Variants in GPAT3 observed in about 807,000 individuals in gnomAD.
GPAT3 encodes glycerol-3-phosphate acyltransferase 3, also known as 1-AGP acyltransferase 9.
A neutral mutation model predicts 58.8 loss-of-function variants in GPAT3; 53 were observed. That is an observed-to-expected ratio of 0.90 (90% CI 0.72 to 1.13). GPAT3 has a LOEUF of 1.13. GPAT3 is among the 50% of genes most tolerant of loss of function. GPAT3 has a pLI of 0.00. For missense variants in GPAT3, 511 were observed against 527.6 expected, an observed-to-expected ratio of 0.97 and a Z score of 0.31; for synonymous variants, 197 against 187.4, an observed-to-expected ratio of 1.05 and a Z score of -0.42.
At chr4:83,555,220 A>G (rs1357396709) in intron 2 of GPAT3, among the ~76,000 whole-genome samples, 2 of 152,154 alleles carry the variant, frequency 1.3e-5, no homozygotes, top group Non-Finnish European at 2.9e-5. Flanking sequence ...CTCTGCAGTG[A>G]TAAGTGATAG....
At chr4:83,586,046 T>C (rs1649331386) in intron 3 of GPAT3, among the ~76,000 whole-genome samples, 1 of 152,208 alleles carries the variant, frequency 6.6e-6, no homozygotes, top group Non-Finnish European at 1.5e-5. Context: ...AGCCTTTCTA[T>C]GCTCCAATTT....
At chr4:83,554,855 G>GT (rs1266932321) in intron 2 of GPAT3, among the ~76,000 whole-genome samples, 2 of 147,806 alleles carry the variant, frequency 1.4e-5, no homozygotes, top group Non-Finnish European at 3.0e-5. Flanking sequence ...CTAGGCTGGA[G>GT]TTCAGTGGCG....
intron 2 of GPAT3, among the ~76,000 whole-genome samples, chr4:83,576,677 C>A (rs1368662971): frequency 3.3e-5 from 5 of 152,158 alleles, no homozygotes; most frequent in Admixed American, 2.0e-4. Flanking sequence ...CTCCTGACCT[C>A]AAGTGATCCG....
intron 3 of GPAT3, among the ~76,000 whole-genome samples, chr4:83,583,156 C>T (rs1465548288): frequency 2.6e-5 from 4 of 151,930 alleles, no homozygotes; most frequent in East Asian, 1.9e-4. Context: ...ATTAACTGGG[C>T]GTGGTGGAGC....
rs553726439 is a variant in GPAT3, at chr4:83,588,382, A to C, written c.644+83A>C. 3 of 1,353,358 alleles carry C rather than the reference A, an allele frequency of 2.2e-6. No homozygotes were observed. The East Asian group carries it at 6.9e-5, about 31-fold the overall frequency. The allele number at this position is 1,353,358 out of a possible 1,614,324, so 83.8% of individuals were successfully genotyped here. On this transcript the variant is annotated intron_variant, in intron 5 of 11. Coordinates refer to ENST00000264409, the MANE Select transcript of GPAT3 (RefSeq NM_032717.5). ...CAAGGAAGCATTGGAAGTGGTTGGG[A>C]AGAAGTGGGTGGAGTCAGAGTGCTT...
intron 6 of GPAT3, among the ~76,000 whole-genome samples, chr4:83,591,085 G>A (rs930657171): frequency 6.6e-6 from 1 of 152,092 alleles, no homozygotes. Flanking sequence ...AAATTTTCAT[G>A]GTGGTGGGTT....
In GPAT3 at chr4:83,557,897, T is replaced by C. The variant is rs1175187440; in HGVS notation, c.208+13295T>C. 2.0e-5 allele frequency among the ~76,000 whole-genome samples: 3 copies of C among 152,124 alleles called. No homozygotes were observed. The East Asian group carries it at 5.8e-4, about 29-fold the overall frequency. On this transcript the variant is annotated intron_variant, in intron 2 of 11. Transcript: ENST00000264409. ...ATTGGAGACTCAGAGTTTTAAACAA[T>C]GTAGGAAACCGGAATAGAATTTAAA...
chr4:83,579,134 T>C (rs200761756), intron 2 of GPAT3, among the ~76,000 whole-genome samples: 19 of 108,542 alleles, frequency 1.8e-4, no homozygotes, highest in African/African-American at 5.1e-4. Flanking sequence ...TTCCTTTCTT[T>C]CTCCCTCCCT....
intron 4 of GPAT3, among the ~76,000 whole-genome samples, chr4:83,587,630 G>A (rs1726427592): frequency 6.6e-6 from 1 of 152,212 alleles, no homozygotes; most frequent in Admixed American, 6.5e-5. Context: ...GTTTCACCAT[G>A]TAGGCCAGGG....
intron 11 of GPAT3, among the ~76,000 whole-genome samples, chr4:83,600,679 T>TAAA (rs1462814810): frequency 6.6e-6 from 1 of 151,954 alleles, no homozygotes; most frequent in Non-Finnish European, 1.5e-5. Flanking sequence ...ATTTTTTTTG[T>TAAA]ATTTTTAGTA....
chr4:83,598,128 C>T lies in GPAT3; in HGVS notation c.1074C>T (p.Thr358=). 2 of 1,613,534 alleles carry T rather than the reference C, an allele frequency of 1.2e-6. No homozygotes were observed. Among genetic ancestry groups the T allele is most frequent in the Non-Finnish European group, 1.7e-6 (2 of 1,179,798 alleles). The change falls in exon 10 of 12, where the codon ACC becomes ACT. Residue 358 remains threonine, a synonymous_variant. Transcript: ENST00000264409. ...NMVSYLLRMM[T]SWAIVCDVWY... ...TGAGCTACCTGCTTCGAATGATGAC[C>T]AGCTGGGCCATCGTCTGTGACGTGT...
rs1379335103 is a variant in GPAT3 at position 83,604,738 on chromosome 4, A to G, written c.1276A>G (p.Met426Val). ...KEEQQKNYSK[M>V]IVGNGSLS ...AGAGCAGCAGAAAAATTACAGCAAG[A>G]TGATTGTGGGCAATGGATCTCTCAG... The change falls in exon 12 of 12, where the codon ATG becomes GTG. Residue 426 changes from methionine (M) to valine (V), a missense_variant. Met to Val is a conservative substitution (Grantham distance 21). Transcript: ENST00000264409. The G allele has an allele frequency of 6.2e-7, 1 of 1,614,010 alleles. No individual in the cohort carries two copies. Among genetic ancestry groups the G allele is most frequent in the Non-Finnish European group, 8.5e-7 (1 of 1,179,930 alleles).
chr4:83,595,196 A>T (rs747078475), intron 7 of GPAT3: 1 of 346,526 alleles, frequency 2.9e-6, no homozygotes, highest in Non-Finnish European at 5.3e-6. Flanking sequence ...TATTGCTGTG[A>T]CTTAGATATA....
intron 6 of GPAT3, among the ~76,000 whole-genome samples, chr4:83,591,722 T>G (rs1726607529): frequency 6.6e-6 from 1 of 152,118 alleles, no homozygotes; most frequent in Non-Finnish European, 1.5e-5. Flanking sequence ...TATTTGACCT[T>G]CCCTGTAATC....
chr4:83,543,337 G>C (rs113493952), intron 1 of GPAT3, among the ~76,000 whole-genome samples: 3,185 of 152,196 alleles, frequency 0.021, 112 homozygotes, highest in African/African-American at 0.072. Context: ...TAGTATAAAA[G>C]CCCTTGGGAT....
intron 2 of GPAT3, among the ~76,000 whole-genome samples, chr4:83,577,311 A>G (rs545988623): frequency 2.4e-4 from 37 of 152,354 alleles, no homozygotes; most frequent in African/African-American, 8.7e-4. Flanking sequence ...AAATTGCTGT[A>G]AAGCATGTTA....
chr4:83,547,302 G>A (rs1481946675), intron 2 of GPAT3, among the ~76,000 whole-genome samples: 1 of 144,926 alleles, frequency 6.9e-6, no homozygotes, highest in Non-Finnish European at 1.5e-5. Context: ...ACCCAGGCTG[G>A]AGTGCAGTGG....
At chr4:83,572,848 C>T (rs766111563) in intron 2 of GPAT3, among the ~76,000 whole-genome samples, 6 of 152,138 alleles carry the variant, frequency 3.9e-5, no homozygotes, top group South Asian at 4.1e-4. Flanking sequence ...TAACTTACGT[C>T]CTGGAAATCT....
At chr4:83,571,658 GT>G (rs1212817898) in intron 2 of GPAT3, among the ~76,000 whole-genome samples, 2 of 150,066 alleles carry the variant, frequency 1.3e-5, no homozygotes, top group South Asian at 2.1e-4. Flanking sequence ...TTTCCTTATA[GT>G]TTTCCCCCAC....
Sources: allele counts gnomAD v4.1 joint callset (sites outside exome capture counted in the v4.1 genomes callset), GRCh38; gene constraint gnomAD v4.1.1; transcripts MANE v1.5; gene names NCBI Gene and HGNC (gene_info 2026-07-23, HGNC 2026-07-21).